Variants in CFAP43 observed in about 807,000 individuals in gnomAD.
CFAP43 encodes the protein cilia- and flagella-associated protein 43.
A neutral mutation model predicts 218.9 loss-of-function variants in CFAP43; 155 were observed. That is an observed-to-expected ratio of 0.71 (90% confidence interval 0.62 to 0.81). The LOEUF (loss-of-function observed/expected upper bound fraction) is 0.81. CFAP43 is among the 30% of genes least tolerant of loss of function. CFAP43 has a pLI of 0.00. For synonymous variants in CFAP43, 645 were observed against 681.3 expected (o/e 0.95, Z 0.83); for missense variants, 1,778 against 1,954.3 (o/e 0.91, Z 1.70).
intron 19 of CFAP43, among the ~76,000 whole-genome samples, chr10:104,177,130 C>T: frequency 6.6e-6 from 1 of 151,990 alleles, no homozygotes; most frequent in East Asian, 1.9e-4. Context: ...ACAAAGGTTT[C>T]CTATTAAAAT....
intron 7 of CFAP43, among the ~76,000 whole-genome samples, chr10:104,205,022 G>T (rs1414875940): frequency 3.3e-5 from 5 of 152,070 alleles, no homozygotes; most frequent in Non-Finnish European, 7.4e-5. Context: ...AGACCATCCT[G>T]CATAACACGG....
chr10:104,146,910 T>C (rs774051035), intron 29 of CFAP43, among the ~76,000 whole-genome samples: 14 of 152,134 alleles, frequency 9.2e-5, no homozygotes, highest in Non-Finnish European at 1.8e-4. Flanking sequence ...CCGCTTCTAA[T>C]TGGTTTGCCT....
At chr10:104,166,394 T>C (rs529329503) in intron 23 of CFAP43, 94 bp downstream of exon 23, 3 of 886,166 alleles carry the variant, frequency 3.4e-6, no homozygotes, top group African/African-American at 1.7e-5. Context: ...TTTTAAATCA[T>C]CATTTGATTG....
At chr10:104,211,954 G>A (rs2090875249) in intron 5 of CFAP43, 53 bp downstream of exon 5, 3 of 1,568,140 alleles carry the variant, frequency 1.9e-6, no homozygotes, top group Non-Finnish European at 1.7e-6. Flanking sequence ...ATGAGATCAG[G>A]CTTCCTAGAC....
chr10:104,143,280 A>G lies in CFAP43; in HGVS notation c.4158+146T>C, dbSNP rs1589628160. 3.8e-5 allele frequency: 27 copies of G among 709,618 alleles called. No homozygotes were observed. In the East Asian group the frequency reaches 7.4e-4, roughly 19 times the overall value. The allele number at this position is 709,618 out of a possible 1,614,324, so 44.0% of individuals were successfully genotyped here. ...CCTTCAATAGCACCAGGGTTAATAT[A>G]GTATTTCATTATCTTATTACTATGA... On this transcript the variant is annotated intron_variant, in intron 32 of 37. Coordinates refer to ENST00000357060, the MANE Select transcript of CFAP43 (RefSeq NM_025145.7).
intron 1 of CFAP43, among the ~76,000 whole-genome samples, chr10:104,231,447 G>C (rs1327035594): frequency 1.3e-5 from 2 of 152,186 alleles, no homozygotes; most frequent in African/African-American, 4.8e-5. Flanking sequence ...CTCAAGTAAG[G>C]AGTGCGTGCT....
chr10:104,154,022 A>T (rs2088414193), intron 27 of CFAP43, among the ~76,000 whole-genome samples: 2 of 152,148 alleles, frequency 1.3e-5, no homozygotes, highest in African/African-American at 2.4e-5. Context: ...CCATCAGGAG[A>T]TACATGATGT....
intron 30 of CFAP43, 118 bp from the exon 31 acceptor site, chr10:104,145,682 G>C (rs754125981): frequency 1.9e-5 from 11 of 565,278 alleles, no homozygotes; most frequent in Non-Finnish European, 3.4e-5. Flanking sequence ...ATGAAACCTT[G>C]ATTTACAAAG....
chr10:104,221,794 G>A (rs1404044889), intron 3 of CFAP43, among the ~76,000 whole-genome samples: 1 of 152,082 alleles, frequency 6.6e-6, no homozygotes, highest in Non-Finnish European at 1.5e-5. Context: ...TCTTTAAAAT[G>A]AGGACCATCA....
chr10:104,168,899 G>A, intron 20 of CFAP43, 51 bp from the exon 21 acceptor site: 1 of 1,413,322 alleles, frequency 7.1e-7, no homozygotes, highest in Non-Finnish European at 9.9e-7. Context: ...TGTGGACTCA[G>A]AAATAATAAT....
At chr10:104,192,141 A>C in intron 12 of CFAP43, 58 bp downstream of exon 12, 2 of 1,321,330 alleles carry the variant, frequency 1.5e-6, no homozygotes, top group Non-Finnish European at 2.1e-6. Flanking sequence ...CCATTTTCAT[A>C]ACCTTAAATT....
Position 104,130,034 on chromosome 10 carries a change from C to A in CFAP43, c.*105G>T. The A allele has an allele frequency of 7.5e-7, 1 of 1,325,192 alleles. No individual in the cohort carries two copies. The highest frequency in any genetic ancestry group is 1.0e-6 in the Non-Finnish European group (1 of 994,322). The allele number at this position is 1,325,192 out of a possible 1,614,324, so 82.1% of individuals were successfully genotyped here. A position where few individuals can be genotyped will look rare whatever the true frequency, so the allele number is the denominator to read the frequency against. On this transcript the variant is annotated 3_prime_UTR_variant, in exon 38 of 38. Coordinates refer to ENST00000357060, the MANE Select transcript of CFAP43 (RefSeq NM_025145.7). ...TATCTAAAACATGCAACTCAGAGGA[C>A]ATGCTACTTCAATTTCCCAGTAAGA...
Position 104,168,730 on chromosome 10 carries a change from G to C in CFAP43, c.2691+14C>G. 6.3e-7 allele frequency: 1 copy of C among 1,597,516 alleles called. No individual in the cohort carries two copies. Among genetic ancestry groups the C allele is most frequent in the Non-Finnish European group, 8.6e-7 (1 of 1,165,080 alleles). On this transcript the variant is annotated intron_variant, in intron 21 of 37. Coordinates refer to ENST00000357060, the MANE Select transcript of CFAP43 (RefSeq NM_025145.7). The stretch of plus-strand genomic sequence containing the variant: ...ATTCTCATCAGGTTTTGTACCTAGG[G>C]TTCTATCTGTTACCTTAAGAGCTCG...
intron 21 of CFAP43, among the ~76,000 whole-genome samples, chr10:104,168,346 T>A (rs902438136): frequency 6.6e-6 from 1 of 152,166 alleles, no homozygotes. Context: ...GGAAATTACA[T>A]TGGAGGGAAT....
At position 104,221,036 on chromosome 10, in the gene CFAP43, C is replaced by T. The variant is rs549770584; in HGVS notation, c.416+4425G>A. Among the ~76,000 whole-genome samples the T allele has an allele frequency of 1.5e-4, 23 of 151,378 alleles. No individual in the cohort carries two copies. In the South Asian group the frequency reaches 3.8e-3, roughly 25 times the overall value. Reference sequence around the variant, plus strand: ...TGTCACCCAGGCTGGAGTGCAGTGGCATGACCTTGGCTCACTGCAACCTCT... The same window carrying T: ...TGTCACCCAGGCTGGAGTGCAGTGGTATGACCTTGGCTCACTGCAACCTCT... On this transcript the variant is annotated intron_variant, in intron 3 of 37. Coordinates refer to ENST00000357060, the MANE Select transcript of CFAP43 (RefSeq NM_025145.7).
At chr10:104,150,545 A>T (rs1253281824) in intron 28 of CFAP43, among the ~76,000 whole-genome samples, 1 of 152,126 alleles carries the variant, frequency 6.6e-6, no homozygotes, top group African/African-American at 2.4e-5. Flanking sequence ...TAACCTTTTC[A>T]GTGTACCATT....
chr10:104,230,129 T>A (rs2091411348), intron 2 of CFAP43, among the ~76,000 whole-genome samples: 1 of 151,590 alleles, frequency 6.6e-6, no homozygotes, highest in Non-Finnish European at 1.5e-5. Flanking sequence ...ATAATTTAAA[T>A]CCTCAGTGAT....
intron 3 of CFAP43, among the ~76,000 whole-genome samples, chr10:104,219,737 C>T (rs2091125993): frequency 6.6e-6 from 1 of 152,198 alleles, no homozygotes; most frequent in Admixed American, 6.5e-5. Flanking sequence ...ATAAGCTCAC[C>T]TCTGACTGTC....
At chr10:104,176,526 T>C (rs1190910398) in intron 19 of CFAP43, among the ~76,000 whole-genome samples, 1 of 152,204 alleles carries the variant, frequency 6.6e-6, no homozygotes, top group Non-Finnish European at 1.5e-5. Context: ...TAAAAGAAAG[T>C]ATTTAGAGTA....
Sources: allele counts gnomAD v4.1 joint callset (sites outside exome capture counted in the v4.1 genomes callset), GRCh38; gene constraint gnomAD v4.1.1; transcripts MANE v1.5; gene names NCBI Gene and HGNC (gene_info 2026-07-23, HGNC 2026-07-21).